Variants in FAR1 observed in about 807,000 individuals in gnomAD.
FAR1 encodes the protein male sterility domain-containing protein 2.
A neutral mutation model predicts 61.1 loss-of-function variants in FAR1; 22 were observed. The observed-to-expected ratio is 0.36, with a 90% CI of 0.26 to 0.51. The LOEUF (loss-of-function observed/expected upper bound fraction) is 0.51, where lower values mean the gene tolerates loss of function less well. Ranked by LOEUF, FAR1 falls within the 20% of genes least tolerant of loss-of-function variation. FAR1 has a pLI of 0.95. For synonymous variants in FAR1, 206 were observed against 209.7 expected, an observed-to-expected ratio of 0.98 and a Z score of 0.15; for missense variants, 359 against 626.9, an observed-to-expected ratio of 0.57 and a Z score of 4.56.
intron 3 of FAR1, among the ~76,000 whole-genome samples, chr11:13,702,624 C>T (rs1051565363): frequency 2.0e-5 from 3 of 152,062 alleles, no homozygotes; most frequent in Non-Finnish European, 4.4e-5. Flanking sequence ...TTTTTTCCCC[C>T]ATAGTTCTGG....
chr11:13,678,340 C>G (rs1047056378), intron 1 of FAR1, among the ~76,000 whole-genome samples: 1 of 152,202 alleles, frequency 6.6e-6, no homozygotes, highest in African/African-American at 2.4e-5. Flanking sequence ...TCTCCGCTCA[C>G]TGCAAGCTCC....
At chr11:13,693,946 TTC>T (rs1367561618) in intron 1 of FAR1, among the ~76,000 whole-genome samples, 2 of 152,188 alleles carry the variant, frequency 1.3e-5, no homozygotes, top group Non-Finnish European at 2.9e-5. Flanking sequence ...AAGCTCCTTA[TTC>T]TCTCTCTGGT....
intron 3 of FAR1, among the ~76,000 whole-genome samples, chr11:13,704,645 G>A (rs1848413872): frequency 6.6e-6 from 1 of 152,086 alleles, no homozygotes; most frequent in Non-Finnish European, 1.5e-5. Context: ...CAGCTTTGGA[G>A]ACATTTTTTA....
At chr11:13,672,630 G>A (rs1214686992) in intron 1 of FAR1, among the ~76,000 whole-genome samples, 17 of 151,898 alleles carry the variant, frequency 1.1e-4, no homozygotes, top group African/African-American at 3.6e-4. Flanking sequence ...AGGAAAATGT[G>A]GGTAGGCTAG....
At chr11:13,710,619 G>A (rs957336310) in intron 4 of FAR1, 74 bp from the exon 5 acceptor site, 58 of 1,291,710 alleles carry the variant, frequency 4.5e-5, no homozygotes, top group African/African-American at 3.0e-4. Context: ...TTGAATGTGC[G>A]AAGTTCAATT....
intron 8 of FAR1, 85 bp from the exon 9 acceptor site, chr11:13,714,424 T>A: frequency 7.6e-7 from 1 of 1,319,716 alleles, no homozygotes. Context: ...GTAAAATATT[T>A]TGCATTATAA....
At chr11:13,694,180 A>G (rs1372329321) in intron 1 of FAR1, among the ~76,000 whole-genome samples, 3 of 152,150 alleles carry the variant, frequency 2.0e-5, no homozygotes, top group Non-Finnish European at 4.4e-5. Context: ...AAGTCAGCTC[A>G]TGTATTTCTT....
intron 1 of FAR1, among the ~76,000 whole-genome samples, chr11:13,682,100 A>G (rs1565339505): frequency 6.6e-6 from 1 of 152,192 alleles, no homozygotes; most frequent in East Asian, 1.9e-4. Context: ...AAAAGGCTAT[A>G]GGTCATGTCA....
chr11:13,716,294 G>C lies in FAR1; in HGVS notation c.1127+1614G>C, dbSNP rs1285946506. 3.3e-5 allele frequency among the ~76,000 whole-genome samples: 5 copies of C among 152,276 alleles called. No homozygotes were observed. The South Asian group carries it at 1.0e-3, about 32-fold the overall frequency. ...TTTTAAAAAAATAAGTGAATAGCTGGTTTACTAAATGCTTCAGAGGAGATG... is the reference window on the plus strand; with the variant it reads ...TTTTAAAAAAATAAGTGAATAGCTGCTTTACTAAATGCTTCAGAGGAGATG... On this transcript the variant is annotated intron_variant, in intron 9 of 11. Transcript: ENST00000354817.
rs1847953839 is a variant in FAR1 at position 13,668,693 on chromosome 11, G to C, written c.-121G>C. ...GCCACTGCCCGTCCGCTCTTCAGCA[G>C]CCGGTCGCGGGCGGTGGAAAAGCGA... On this transcript the variant is annotated 5_prime_UTR_variant, in exon 1 of 12. Transcript: ENST00000354817. 2 of 153,606 alleles carry C rather than the reference G, an allele frequency of 1.3e-5. No individual in the cohort carries two copies. The highest frequency in any genetic ancestry group is 4.8e-5 in the African/African-American group (2 of 41,486). The allele number at this position is 153,606 out of a possible 1,614,324, so 9.5% of individuals were successfully genotyped here. A position where few individuals can be genotyped will look rare whatever the true frequency, so the allele number is the denominator to read the frequency against.
At chr11:13,691,561 A>G (rs148529310) in intron 1 of FAR1, among the ~76,000 whole-genome samples, 1,535 of 152,270 alleles carry the variant, frequency 0.01, 18 homozygotes, top group Non-Finnish European at 0.017. Flanking sequence ...GGCAACTACC[A>G]GTTTGCATTC....
At chr11:13,726,553 AGTT>A (rs1257045876) in intron 10 of FAR1, among the ~76,000 whole-genome samples, 1 of 151,438 alleles carries the variant, frequency 6.6e-6, no homozygotes. Context: ...ACAGTCTAAT[AGTT>A]GTTCTTTTGG....
At chr11:13,669,166 G>T (rs1847965240) in intron 1 of FAR1, among the ~76,000 whole-genome samples, 1 of 152,212 alleles carries the variant, frequency 6.6e-6, no homozygotes, top group African/African-American at 2.4e-5. Context: ...GCGTGCTCGC[G>T]GGAGGGTAGC....
intron 1 of FAR1, among the ~76,000 whole-genome samples, chr11:13,675,726 G>A (rs1186085709): frequency 1.3e-5 from 2 of 152,158 alleles, no homozygotes; most frequent in Non-Finnish European, 1.5e-5. Context: ...GTGCAGTTGT[G>A]TGTGTGTGTT....
chr11:13,702,089 A>C (rs1439725064), intron 3 of FAR1, among the ~76,000 whole-genome samples: 2 of 151,942 alleles, frequency 1.3e-5, no homozygotes, highest in Non-Finnish European at 2.9e-5. Flanking sequence ...CAGTTGCTTT[A>C]TTTATTTTTT....
intron 11 of FAR1, 92 bp from the exon 12 acceptor site, chr11:13,728,520 T>A: frequency 8.6e-7 from 1 of 1,159,134 alleles, no homozygotes; most frequent in Non-Finnish European, 1.2e-6. Context: ...GGATTTGAGC[T>A]TTGATTAAAA....
In FAR1 at chr11:13,730,209, C is replaced by CGT. The variant is rs981907278; in HGVS notation, c.*1435_*1436insGT. On this transcript the variant is annotated 3_prime_UTR_variant, in exon 12 of 12. Transcript: ENST00000354817. ...GAACAGTTCGCAATACAAAAAGTTA[C>CGT]ATGGAGCTTTACATCTTAACTTTCT... The CGT allele has an allele frequency of 6.6e-6, 1 of 151,298 alleles. No homozygotes were observed. Among genetic ancestry groups the CGT allele is most frequent in the African/African-American group, 2.4e-5 (1 of 41,186 alleles). The allele number at this position is 151,298 out of a possible 1,614,324, so 9.4% of individuals were successfully genotyped here.
At chr11:13,696,961 A>T (rs1187015364) in intron 2 of FAR1, among the ~76,000 whole-genome samples, 1 of 152,208 alleles carries the variant, frequency 6.6e-6, no homozygotes, top group African/African-American at 2.4e-5. Flanking sequence ...TGGGCTGGCT[A>T]GTTCTTTGTT....
intron 1 of FAR1, among the ~76,000 whole-genome samples, chr11:13,677,550 T>C (rs1848080104): frequency 6.6e-6 from 1 of 152,162 alleles, no homozygotes; most frequent in African/African-American, 2.4e-5. Flanking sequence ...GACATCCAGG[T>C]TCAAAGAAGT....
Sources: allele counts gnomAD v4.1 joint callset (sites outside exome capture counted in the v4.1 genomes callset), GRCh38; gene constraint gnomAD v4.1.1; transcripts MANE v1.5; gene names NCBI Gene and HGNC (gene_info 2026-07-23, HGNC 2026-07-21).